ETV1: variants seen among roughly 807,000 people sequenced by gnomAD.
ETV1 encodes ETS translocation variant 1.
ETV1 carries 27 observed loss-of-function variants against 62.3 expected under a neutral mutation model. The ratio of observed to expected loss-of-function variants is 0.43; its 90% CI spans 0.32 to 0.60. ETV1 has a LOEUF of 0.60. ETV1 is among the 20% of genes least tolerant of loss of function. The pLI, the probability that ETV1 is intolerant of heterozygous loss-of-function variation, is 0.06. For synonymous variants in ETV1, 222 were observed against 199.6 expected (o/e 1.11, Z -0.94); for missense variants, 605 against 605.8 (o/e 1.00, Z 0.01).
chr7:13,952,148 G>A (rs1000486864), intron 6 of ETV1, among the ~76,000 whole-genome samples: 1 of 152,186 alleles, frequency 6.6e-6, no homozygotes, highest in South Asian at 2.1e-4. Context: ...AAGAACACTG[G>A]ATTAGGAGTC....
At chr7:13,907,777 A>G (rs1345438970) in intron 11 of ETV1, 1 of 465,192 alleles carries the variant, frequency 2.1e-6, no homozygotes, top group African/African-American at 2.0e-5. Flanking sequence ...CAAATTGCAC[A>G]CTTTCTAAAA....
At chr7:13,924,624 A>G (rs1420979725) in intron 9 of ETV1, among the ~76,000 whole-genome samples, 1 of 152,208 alleles carries the variant, frequency 6.6e-6, no homozygotes, top group East Asian at 1.9e-4. Context: ...TTCGAAAACC[A>G]TACAAAAACA....
intron 9 of ETV1, among the ~76,000 whole-genome samples, chr7:13,913,463 G>GAAT (rs1274407524): frequency 1.3e-5 from 2 of 152,038 alleles, no homozygotes; most frequent in Admixed American, 6.6e-5. Flanking sequence ...TGTAAAGTGG[G>GAAT]AATAATAATA....
intron 9 of ETV1, among the ~76,000 whole-genome samples, chr7:13,926,485 T>G (rs1442009261): frequency 7.2e-5 from 11 of 152,102 alleles, no homozygotes; most frequent in Admixed American, 7.2e-4. Flanking sequence ...GTCATGAAAA[T>G]GAGAAAACAG....
chr7:13,938,016 G>T (rs2128458247), intron 7 of ETV1, among the ~76,000 whole-genome samples: 1 of 152,286 alleles, frequency 6.6e-6, no homozygotes, highest in African/African-American at 2.4e-5. Flanking sequence ...CGCGATCTCG[G>T]CTCACAGCAA....
intron 9 of ETV1, among the ~76,000 whole-genome samples, chr7:13,925,405 G>C (rs781436518): frequency 4.6e-5 from 7 of 152,216 alleles, no homozygotes; most frequent in Middle Eastern, 3.4e-3. Context: ...ACTAAGTAAG[G>C]CATCATTTTC....
chr7:13,947,712 A>C (rs1181593513), intron 6 of ETV1, among the ~76,000 whole-genome samples: 1 of 152,212 alleles, frequency 6.6e-6, no homozygotes, highest in Non-Finnish European at 1.5e-5. Context: ...CTATCACATT[A>C]TATGAGATTT....
At chr7:13,924,967 CATGA>C (rs1785241834) in intron 9 of ETV1, among the ~76,000 whole-genome samples, 1 of 152,158 alleles carries the variant, frequency 6.6e-6, no homozygotes, top group Non-Finnish European at 1.5e-5. Flanking sequence ...AAAAAGGCCT[CATGA>C]GTAGCAGCAG....
At chr7:13,921,041 G>A (rs935642171) in intron 9 of ETV1, among the ~76,000 whole-genome samples, 2 of 152,166 alleles carry the variant, frequency 1.3e-5, no homozygotes, top group Non-Finnish European at 2.9e-5. Flanking sequence ...TTTGGATATT[G>A]AGAAAGAGAT....
chr7:13,901,712 T>TA (rs1409013199), intron 12 of ETV1, among the ~76,000 whole-genome samples: 4 of 152,172 alleles, frequency 2.6e-5, no homozygotes, highest in Non-Finnish European at 5.9e-5. Flanking sequence ...AGCAGCCGAA[T>TA]AAAACTGTGG....
chr7:13,902,614 T>C (rs1399444790), intron 12 of ETV1, among the ~76,000 whole-genome samples: 3 of 152,158 alleles, frequency 2.0e-5, no homozygotes, highest in East Asian at 1.9e-4. Flanking sequence ...GAACCTTTAA[T>C]AGGCATAGCA....
Position 13,911,287 on chromosome 7 carries a change from T to G in ETV1, c.823A>C (p.Ile275Leu). 1 of 1,612,784 alleles carries G rather than the reference T, an allele frequency of 6.2e-7. No individual in the cohort carries two copies. ...YDSEVPSCHS[I>L]YMRQEGFLAH... ...AGGAAGCCTTCTTGCCTCATATAAA[T>G]GGAGTGGCAGCTAGGCACTTCTGAA... Residue 275 changes from isoleucine (I) to leucine (L), a missense_variant, in exon 10 of 14, where the codon ATT becomes CTT. Coordinates refer to ENST00000430479, the MANE Select transcript of ETV1 (RefSeq NM_004956.5).
At chr7:13,901,161 C>T (rs1322157492) in intron 12 of ETV1, among the ~76,000 whole-genome samples, 3 of 152,116 alleles carry the variant, frequency 2.0e-5, no homozygotes, top group South Asian at 2.1e-4. Context: ...GGCCCCACCA[C>T]GCCCGGCTAA....
intron 7 of ETV1, among the ~76,000 whole-genome samples, chr7:13,937,202 A>C (rs1786901247): frequency 6.6e-6 from 1 of 152,218 alleles, no homozygotes; most frequent in African/African-American, 2.4e-5. Flanking sequence ...ACAAGGAGTA[A>C]AGGAATATAT....
chr7:13,919,262 G>T (rs1426269646), intron 9 of ETV1, among the ~76,000 whole-genome samples: 1 of 151,924 alleles, frequency 6.6e-6, no homozygotes, highest in South Asian at 2.1e-4. Context: ...GACACAAATC[G>T]TAAATGGATG....
At chr7:13,897,348 A>G (rs1194373584) in intron 13 of ETV1, among the ~76,000 whole-genome samples, 7 of 152,278 alleles carry the variant, frequency 4.6e-5, no homozygotes, top group Admixed American at 4.6e-4. Context: ...GTATTGTTAT[A>G]TCTTTGAGGG....
intron 13 of ETV1, among the ~76,000 whole-genome samples, chr7:13,897,820 G>GAAAA (rs1781996662): frequency 3.3e-5 from 5 of 152,056 alleles, no homozygotes; most frequent in Admixed American, 3.3e-4. Context: ...AGTATTTGGA[G>GAAAA]AAAAAATAAA....
chr7:13,925,932 A>C (rs1785375677), intron 9 of ETV1, among the ~76,000 whole-genome samples: 1 of 152,092 alleles, frequency 6.6e-6, no homozygotes, highest in Non-Finnish European at 1.5e-5. Flanking sequence ...AATATAAAAT[A>C]TTAATACTTC....
chr7:13,965,001 T>C lies in ETV1; in HGVS notation c.235+12426A>G, dbSNP rs549409686. Among the ~76,000 whole-genome samples the C allele has an allele frequency of 1.2e-4, 18 of 152,194 alleles. 1 individual carries two copies. The highest frequency in any genetic ancestry group is 7.2e-4 in the Admixed American group (11 of 15,276). ...GAATATTTACTACTATAATGGGAAT[T>C]CCATGAACATTAGTAATACTCCTAC... On this transcript the variant is annotated intron_variant, in intron 6 of 13. Coordinates refer to ENST00000430479, the MANE Select transcript of ETV1 (RefSeq NM_004956.5).
Sources: gnomAD v4.1 joint callset for allele counts (sites outside exome capture counted in the v4.1 genomes callset) on GRCh38, gnomAD v4.1.1 for gene constraint, MANE v1.5 for transcripts, NCBI Gene and HGNC (gene_info 2026-07-23, HGNC 2026-07-21) for gene names.